Variants in NAV3 observed in about 807,000 individuals in gnomAD.
The protein encoded by NAV3 is neuron navigator 3, also known as pore membrane and/or filament interacting like protein 1.
Under a neutral mutation model 244.7 loss-of-function variants are expected in NAV3, and 87 were observed. That is an observed-to-expected ratio of 0.36 (90% CI 0.30 to 0.42). NAV3 has a LOEUF of 0.42. NAV3 is among the 20% of genes least tolerant of loss of function. NAV3 has a pLI of 1.00. For synonymous variants in NAV3, 1,126 were observed against 1,042.2 expected, an observed-to-expected ratio of 1.08 and a Z score of -1.55; for missense variants, 2,663 against 2,893.3, an observed-to-expected ratio of 0.92 and a Z score of 1.83.
intron 2 of NAV3, among the ~76,000 whole-genome samples, chr12:77,776,663 A>G (rs144293802): frequency 1.8e-4 from 28 of 152,292 alleles, no homozygotes; most frequent in Middle Eastern, 3.4e-3. Context: ...ACTGACAAAC[A>G]TGGTTTCTGA....
At position 77,885,818 on chromosome 12, in the gene NAV3, A is replaced by C. The variant is rs536842749; in HGVS notation, c.243+54114A>C. 1.4e-4 allele frequency among the ~76,000 whole-genome samples: 21 copies of C among 152,282 alleles called. 1 individual carries two copies. In the East Asian group the frequency reaches 3.5e-3, roughly 25 times the overall value. ...TGCTGCTTAAGATGAGTTTAAATAC[A>C]ACCGGAGACATACCTTCAGTTCTAC... On this transcript the variant is annotated intron_variant, in intron 1 of 39. Transcript: ENST00000397909.
intron 2 of NAV3, among the ~76,000 whole-genome samples, chr12:77,572,690 A>G (rs1052742956): frequency 2.6e-5 from 4 of 152,206 alleles, no homozygotes; most frequent in African/African-American, 9.7e-5. Flanking sequence ...CTAATTTCAT[A>G]TCCTTGGGAC....
At chr12:77,664,758 C>A (rs1281444739) in intron 2 of NAV3, among the ~76,000 whole-genome samples, 1 of 152,000 alleles carries the variant, frequency 6.6e-6, no homozygotes, top group African/African-American at 2.4e-5. Context: ...ATGAAAGAAA[C>A]CAAGAAAACC....
chr12:77,809,525 G>A (rs1411551101), intron 2 of NAV3, among the ~76,000 whole-genome samples: 1 of 152,184 alleles, frequency 6.6e-6, no homozygotes, highest in Admixed American at 6.5e-5. Flanking sequence ...GTCCCAATGA[G>A]ATGAGTCAGG....
intron 38 of NAV3, among the ~76,000 whole-genome samples, chr12:78,204,095 A>G (rs760974891): frequency 6.6e-6 from 1 of 151,972 alleles, no homozygotes; most frequent in African/African-American, 2.4e-5. Flanking sequence ...AAACACAAAC[A>G]TCTAAAAAGA....
In NAV3 at chr12:77,931,015, T is replaced by C. The variant is rs141775820; in HGVS notation, c.244-9304T>C. Among the ~76,000 whole-genome samples, 12 of 152,260 alleles carry C rather than the reference T, an allele frequency of 7.9e-5. No homozygotes were observed. The East Asian group carries it at 2.3e-3, about 29-fold the overall frequency. ...TAGAATATTCTTTTTATCCCTGATA[T>C]TGTTATCAATTTTTATCTTCTTAAT... On this transcript the variant is annotated intron_variant, in intron 1 of 39. Coordinates refer to ENST00000397909, the MANE Select transcript of NAV3 (RefSeq NM_001024383.2).
At chr12:78,003,815 G>T (rs878877089) in intron 7 of NAV3, among the ~76,000 whole-genome samples, 1 of 152,210 alleles carries the variant, frequency 6.6e-6, no homozygotes, top group East Asian at 1.9e-4. Context: ...TTGCAAGTGT[G>T]AACGAATATC....
At chr12:77,979,995 A>G (rs1025115478) in intron 5 of NAV3, among the ~76,000 whole-genome samples, 21 of 152,154 alleles carry the variant, frequency 1.4e-4, no homozygotes, top group African/African-American at 5.1e-4. Flanking sequence ...AAGAAATGTA[A>G]CTATGTGTGG....
chr12:77,621,361 T>C (rs1871362000), intron 2 of NAV3, among the ~76,000 whole-genome samples: 1 of 152,154 alleles, frequency 6.6e-6, no homozygotes, highest in South Asian at 2.1e-4. Flanking sequence ...CTCTGAGAAA[T>C]GAACCACTGT....
At position 78,006,490 on chromosome 12, in the gene NAV3, C is replaced by G. The variant is rs775366986; in HGVS notation, c.952C>G (p.Pro318Ala). Residue 318 changes from proline (P) to alanine (A), a missense_variant, in exon 8 of 40, where the codon CCT becomes GCT. By Grantham distance (27) the Pro-to-Ala change is conservative. Transcript: ENST00000397909. ...NVQPPSTAGQ[P>A]PASAIPSPSA... ...GCAGCCTCCCAGTACTGCTGGGCAG[C>G]CTCCTGCCTCTGCCATCCCTTCTCC... 1 of 1,613,916 alleles carries G rather than the reference C, an allele frequency of 6.2e-7. No individual in the cohort carries two copies. The highest frequency in any genetic ancestry group is 1.3e-5 in the African/African-American group (1 of 74,864).
Position 78,006,668 on chromosome 12 carries a change from C to T in NAV3, c.1130C>T (p.Ala377Val), listed in dbSNP as rs1566011275. 2.5e-6 allele frequency: 4 copies of T among 1,614,024 alleles called. No individual in the cohort carries two copies. The highest frequency in any genetic ancestry group is 2.5e-6 in the Non-Finnish European group (3 of 1,180,032). Residue 377 changes from alanine (A) to valine (V), a missense_variant, in exon 8 of 40, where the codon GCT (alanine) becomes GTT (valine). By Grantham distance (64) the Ala-to-Val change is moderately conservative. Around this residue, in one of 6 missense-constraint regions of NAV3, gnomAD observed 1,521 missense variants for 1,497.0 expected, o/e 1.02. Coordinates refer to ENST00000397909, the MANE Select transcript of NAV3 (RefSeq NM_001024383.2). The stretch of plus-strand genomic sequence containing the variant: ...CCTGTCTCAGAAGGGGTCAAAACTG[C>T]TCCCTCAGGACAGAAATCCATGCTT... ...KPPVSEGVKTAPSGQKSMLEK... is the reference protein window; with the variant it reads ...KPPVSEGVKTVPSGQKSMLEK...
At chr12:78,176,309 G>A in intron 25 of NAV3, 130 bp from the exon 26 acceptor site, 4 of 780,664 alleles carry the variant, frequency 5.1e-6, no homozygotes, top group Non-Finnish European at 5.8e-6. Context: ...TTTTACTGGA[G>A]TGCTTTCTAC....
upstream of NAV3, among the ~76,000 whole-genome samples, chr12:77,828,552 T>C (rs1160419719): frequency 6.6e-6 from 1 of 152,182 alleles, no homozygotes; most frequent in East Asian, 1.9e-4. Flanking sequence ...GACCGTAAGC[T>C]AATTTTTTAC....
At chr12:77,791,148 G>A (rs573479579) in intron 2 of NAV3, among the ~76,000 whole-genome samples, 12 of 152,218 alleles carry the variant, frequency 7.9e-5, no homozygotes, top group African/African-American at 2.9e-4. Context: ...AAGGTCAGGA[G>A]TTTGAGACCA....
chr12:77,697,016 A>T (rs1875336784), intron 2 of NAV3, among the ~76,000 whole-genome samples: 1 of 152,088 alleles, frequency 6.6e-6, no homozygotes, highest in Admixed American at 6.6e-5. Flanking sequence ...TGGCAGCTGG[A>T]TGCTTCACCT....
chr12:78,140,271 G>T lies in NAV3; in HGVS notation c.4631-11G>T. Reference sequence around the variant, plus strand: ...TTGTTTTAACTCTATTGTTCTGTTTGTTTTCTCCAGTTCATGGCTCTTCAT... The same window carrying T: ...TTGTTTTAACTCTATTGTTCTGTTTTTTTTCTCCAGTTCATGGCTCTTCAT... On this transcript the variant is annotated splice_polypyrimidine_tract_variant and intron_variant, in intron 19 of 39. Transcript: ENST00000397909. The T allele has an allele frequency of 6.2e-7, 1 of 1,612,012 alleles. No individual in the cohort carries two copies. Among genetic ancestry groups the T allele is most frequent in the South Asian group, 1.1e-5 (1 of 91,032 alleles).
At chr12:77,799,540 T>C (rs1423641199) in intron 2 of NAV3, among the ~76,000 whole-genome samples, 1 of 152,228 alleles carries the variant, frequency 6.6e-6, no homozygotes, top group Non-Finnish European at 1.5e-5. Flanking sequence ...ATGATGATTA[T>C]GCTAATGATG....
chr12:78,070,161 T>C (rs1952683886), intron 12 of NAV3, among the ~76,000 whole-genome samples: 1 of 152,142 alleles, frequency 6.6e-6, no homozygotes, highest in South Asian at 2.1e-4. Context: ...AAATATTTGC[T>C]AGGTAAAAAT....
chr12:77,606,014 G>A (rs1223955340), intron 2 of NAV3, among the ~76,000 whole-genome samples: 4 of 152,048 alleles, frequency 2.6e-5, no homozygotes, highest in Non-Finnish European at 4.4e-5. Flanking sequence ...TTACTACCTT[G>A]GTTTTTTAAG....
Sources: allele counts gnomAD v4.1 joint callset (sites outside exome capture counted in the v4.1 genomes callset), GRCh38; gene constraint gnomAD v4.1.1; regional missense constraint gnomAD v4.1.1; transcripts MANE v1.5; gene names NCBI Gene and HGNC (gene_info 2026-07-23, HGNC 2026-07-21).